The following RBM6 variants were observed in gnomAD, a reference collection of about 807,000 sequenced individuals.
The protein encoded by RBM6 is RNA-binding protein 6.
Under a neutral mutation model 140.4 loss-of-function variants are expected in RBM6, and 23 were observed. The ratio of observed to expected loss-of-function variants is 0.16; its 90% CI spans 0.12 to 0.23. The LOEUF is 0.23. Ranked by LOEUF, RBM6 falls within the 10% of genes least tolerant of loss-of-function variation. The pLI is 1.00. For synonymous variants in RBM6, 439 were observed against 475.6 expected (o/e 0.92, Z 1.00); for missense variants, 1,139 against 1,386.7 (o/e 0.82, Z 2.84).
At chr3:50,059,874 T>G (rs2089867870) in intron 11 of RBM6, 128 bp downstream of exon 11, 1 of 642,872 alleles carries the variant, frequency 1.6e-6, no homozygotes, top group East Asian at 2.9e-5. Flanking sequence ...AGATAGGTGT[T>G]TATTACAGTT....
intron 12 of RBM6, 37 bp from the exon 13 acceptor site, chr3:50,061,103 G>A (rs1224210621): frequency 6.2e-7 from 1 of 1,613,752 alleles, no homozygotes. Context: ...ATGACCATTG[G>A]ATAGTTCTGT....
chr3:49,957,592 A>G (rs558315782), intron 1 of RBM6, among the ~76,000 whole-genome samples: 11 of 152,292 alleles, frequency 7.2e-5, no homozygotes, highest in African/African-American at 1.9e-4. Flanking sequence ...TTGAATTTAT[A>G]CTAACTTAAG....
chr3:50,073,012 C>T (rs1327197850), intron 19 of RBM6, among the ~76,000 whole-genome samples: 1 of 152,146 alleles, frequency 6.6e-6, no homozygotes, highest in Non-Finnish European at 1.5e-5. Flanking sequence ...TCTTGCTGCT[C>T]TACCCTCTTG....
chr3:49,999,323 A>G, intron 5 of RBM6, 117 bp from the exon 6 acceptor site: 1 of 787,852 alleles, frequency 1.3e-6, no homozygotes, highest in Non-Finnish European at 2.2e-6. Context: ...TAGGGGAGGG[A>G]GGGGTTAGTT....
At chr3:50,062,680 T>A (rs1048109173) in intron 15 of RBM6, among the ~76,000 whole-genome samples, 85 of 152,144 alleles carry the variant, frequency 5.6e-4, no homozygotes, top group Non-Finnish European at 1.1e-3. Context: ...CTACATTCCT[T>A]TTTTAGTGTT....
chr3:49,951,963 C>T (rs1352767829), intron 1 of RBM6, among the ~76,000 whole-genome samples: 1 of 151,728 alleles, frequency 6.6e-6, no homozygotes, highest in African/African-American at 2.4e-5. Context: ...TCTTGTGGTC[C>T]ACCTGCCTCG....
chr3:50,024,989 T>A (rs2087717719), intron 6 of RBM6, among the ~76,000 whole-genome samples: 1 of 148,212 alleles, frequency 6.7e-6, no homozygotes, highest in Admixed American at 6.7e-5. Context: ...AGACTCCGTC[T>A]CAAAAAACAA....
intron 5 of RBM6, among the ~76,000 whole-genome samples, chr3:49,994,210 C>T (rs1053358016): frequency 1.4e-4 from 22 of 152,164 alleles, no homozygotes; most frequent in Admixed American, 3.3e-4. Context: ...ACTATAGGTG[C>T]GTGCTCCCAC....
chr3:49,961,432 C>T (rs1049332160), intron 1 of RBM6, among the ~76,000 whole-genome samples: 2 of 152,148 alleles, frequency 1.3e-5, no homozygotes, highest in African/African-American at 2.4e-5. Flanking sequence ...GTCTGCCTGC[C>T]TTGGCCTCCC....
rs202185790 is a variant in RBM6 at position 49,967,713 on chromosome 3, G to A, written c.288G>A (p.Arg96=). 2.4e-5 allele frequency: 39 copies of A among 1,614,000 alleles called. No individual in the cohort carries two copies. Among genetic ancestry groups the A allele is most frequent in the African/African-American group, 1.9e-4 (14 of 74,894 alleles). Residue 96 remains arginine, a synonymous_variant, in exon 3 of 21, where the codon AGG becomes AGA. Transcript: ENST00000266022. This position sits in a 1 kb window ranked among gnomAD's most constrained non-coding sequence, Gnocchi z 4.0. ...RGGEGPGHDF[R]GGDFSSSDFQ... is the part of the protein sequence containing the mutation. ...GGGAGGGACCTGGACATGATTTCAG[G>A]GGGGGAGATTTTTCGTCTTCTGATT...
chr3:49,969,543 T>G (rs868325091), intron 3 of RBM6, among the ~76,000 whole-genome samples: 5 of 149,850 alleles, frequency 3.3e-5, no homozygotes, highest in Admixed American at 2.0e-4. Context: ...TTTTATTCTT[T>G]TCTTCCTGCT....
At chr3:50,008,526 A>G (rs1239710308) in intron 6 of RBM6, among the ~76,000 whole-genome samples, 1 of 128,410 alleles carries the variant, frequency 7.8e-6, no homozygotes, top group Non-Finnish European at 1.6e-5. Flanking sequence ...CAGCTTCATT[A>G]CCTCCTGGCT....
intron 1 of RBM6, among the ~76,000 whole-genome samples, chr3:49,954,324 C>T (rs528646348): frequency 9.0e-4 from 137 of 151,674 alleles, no homozygotes; most frequent in Non-Finnish European, 1.5e-3. Flanking sequence ...CCTGTAGTCC[C>T]AGCTACTTGG....
At chr3:49,988,721 A>G (rs1002297310) in intron 5 of RBM6, among the ~76,000 whole-genome samples, 6 of 152,152 alleles carry the variant, frequency 3.9e-5, no homozygotes, top group East Asian at 3.9e-4. Flanking sequence ...GTAAATCCCT[A>G]TATGCTGGGA....
At position 49,940,702 on chromosome 3, in the gene RBM6, G is replaced by C. The variant is rs549971954; in HGVS notation, c.-67+477G>C. ...GGACCGGAGGGCACAAGAGCTCCGA[G>C]CCCGGTCGTCGGGGCGGTAGAACCT... On this transcript the variant is annotated intron_variant, in intron 1 of 20. Coordinates refer to ENST00000266022, the MANE Select transcript of RBM6 (RefSeq NM_005777.3). 45 of 154,384 alleles carry C rather than the reference G, an allele frequency of 2.9e-4. No individual in the cohort carries two copies. In the South Asian group the frequency reaches 8.8e-3, roughly 30 times the overall value. The allele number at this position is 154,384 out of a possible 1,614,324, so 9.6% of individuals were successfully genotyped here.
intron 5 of RBM6, among the ~76,000 whole-genome samples, chr3:49,976,269 A>G (rs1262661369): frequency 5.3e-5 from 8 of 152,156 alleles, no homozygotes; most frequent in Non-Finnish European, 1.2e-4. Context: ...ATCATGGGAT[A>G]AAAATTTTGC....
At position 49,942,255 on chromosome 3, in the gene RBM6, C is replaced by T. The variant is rs972045860; in HGVS notation, c.-67+2030C>T. ...CTGTAATCCCAGCACTTTGGGACGCCGAGGTGGGCGGATCACGAGGTCAGG... is the reference window on the plus strand; with the variant it reads ...CTGTAATCCCAGCACTTTGGGACGCTGAGGTGGGCGGATCACGAGGTCAGG... On this transcript the variant is annotated intron_variant, in intron 1 of 20. Coordinates refer to ENST00000266022, the MANE Select transcript of RBM6 (RefSeq NM_005777.3). Among the ~76,000 whole-genome samples, 21 of 151,744 alleles carry T rather than the reference C, an allele frequency of 1.4e-4. 1 individual carries two copies. The South Asian group carries it at 2.3e-3, about 17-fold the overall frequency.
intron 7 of RBM6, among the ~76,000 whole-genome samples, chr3:50,050,954 T>C (rs2089440173): frequency 6.6e-6 from 1 of 152,222 alleles, no homozygotes; most frequent in Admixed American, 6.5e-5. Context: ...TTATATTTTC[T>C]GGATATTAAT....
intron 6 of RBM6, among the ~76,000 whole-genome samples, chr3:50,012,713 T>C (rs2086913374): frequency 6.6e-6 from 1 of 150,700 alleles, no homozygotes; most frequent in South Asian, 2.1e-4. Flanking sequence ...CAAAAATTCC[T>C]GTGTTCTTTT....
Sources: allele counts gnomAD v4.1 joint callset (sites outside exome capture counted in the v4.1 genomes callset), GRCh38; gene constraint gnomAD v4.1.1; non-coding constraint Gnocchi (gnomAD v3.1); transcripts MANE v1.5; gene names NCBI Gene and HGNC (gene_info 2026-07-23, HGNC 2026-07-21).